Variants in RNF216 observed in about 807,000 individuals in gnomAD.
The protein encoded by RNF216 is E3 ubiquitin-protein ligase RNF216.
In RNF216, 72 loss-of-function variants were observed where a neutral mutation model predicts 110.8. The ratio of observed to expected loss-of-function variants is 0.65; its 90% CI spans 0.54 to 0.79. RNF216 has a LOEUF of 0.79. Ranked by LOEUF, RNF216 falls within the 30% of genes least tolerant of loss-of-function variation. RNF216 has a pLI of 0.00. For missense variants in RNF216, 1,342 were observed against 1,141.2 expected (o/e 1.18, Z -2.54); for synonymous variants, 495 against 407.5 (o/e 1.21, Z -2.59).
At chr7:5,635,263 A>G (rs968499425) in intron 15 of RNF216, among the ~76,000 whole-genome samples, 1 of 151,776 alleles carries the variant, frequency 6.6e-6, no homozygotes, top group Non-Finnish European at 1.5e-5. Context: ...TGACAGATCA[A>G]TGATCACACC....
At chr7:5,670,209 C>T (rs1222983266) in intron 13 of RNF216, among the ~76,000 whole-genome samples, 1 of 152,150 alleles carries the variant, frequency 6.6e-6, no homozygotes, top group Admixed American at 6.5e-5. Flanking sequence ...GCTGGAATTA[C>T]AGGCGTGAGC....
intron 13 of RNF216, among the ~76,000 whole-genome samples, chr7:5,672,822 C>T (rs776143046): frequency 6.6e-6 from 1 of 151,946 alleles, no homozygotes; most frequent in Admixed American, 6.6e-5. Context: ...CACTGGGAGG[C>T]GAGGAGCTGG....
chr7:5,721,394 T>C (rs1793416475), intron 8 of RNF216, among the ~76,000 whole-genome samples: 1 of 152,182 alleles, frequency 6.6e-6, no homozygotes, highest in Non-Finnish European at 1.5e-5. Flanking sequence ...CTGTTTATGC[T>C]CCAATTGGAA....
At chr7:5,698,167 C>T (rs190721383) in intron 13 of RNF216, among the ~76,000 whole-genome samples, 388 of 152,156 alleles carry the variant, frequency 2.6e-3, no homozygotes, top group Non-Finnish European at 4.3e-3. Flanking sequence ...TTTTAAAATC[C>T]TCGGTTTTCT....
intron 3 of RNF216, among the ~76,000 whole-genome samples, chr7:5,748,915 T>C (rs1234764331): frequency 1.3e-5 from 2 of 152,164 alleles, no homozygotes; most frequent in Non-Finnish European, 2.9e-5. Flanking sequence ...GGCTATAAGA[T>C]CTGCTTCTCT....
chr7:5,749,227 T>G (rs1204939386), intron 3 of RNF216, among the ~76,000 whole-genome samples: 1 of 151,208 alleles, frequency 6.6e-6, no homozygotes. Context: ...CTTGGCTCAC[T>G]GCAACCTCCA....
intron 1 of RNF216, among the ~76,000 whole-genome samples, chr7:5,763,281 C>G (rs191885847): frequency 1.4e-3 from 209 of 152,278 alleles, no homozygotes; most frequent in African/African-American, 5.0e-3. Context: ...TTTGTCAAAA[C>G]TCACTGAACT....
intron 15 of RNF216, among the ~76,000 whole-genome samples, chr7:5,637,854 CT>C (rs1347832589): frequency 5.3e-5 from 8 of 152,198 alleles, no homozygotes; most frequent in African/African-American, 1.9e-4. Flanking sequence ...TTACGCATTT[CT>C]TTTTCTTTAA....
chr7:5,735,754 CTT>C (rs1794359306), intron 5 of RNF216, among the ~76,000 whole-genome samples: 1 of 152,154 alleles, frequency 6.6e-6, no homozygotes, highest in African/African-American at 2.4e-5. Flanking sequence ...AGTGTACACT[CTT>C]AACGGTTTTG....
intron 13 of RNF216, among the ~76,000 whole-genome samples, chr7:5,671,060 C>G (rs1041666427): frequency 2.0e-5 from 3 of 152,178 alleles, no homozygotes. Context: ...ATACTTTTTT[C>G]TTTACAGAAA....
At chr7:5,663,268 C>T (rs1479804920) in intron 13 of RNF216, among the ~76,000 whole-genome samples, 1 of 152,048 alleles carries the variant, frequency 6.6e-6, no homozygotes, top group African/African-American at 2.4e-5. Flanking sequence ...GCATGGAGGG[C>T]TCAATTCATC....
chr7:5,635,937 T>C (rs1450130301), intron 15 of RNF216, among the ~76,000 whole-genome samples: 1 of 152,218 alleles, frequency 6.6e-6, no homozygotes, highest in Non-Finnish European at 1.5e-5. Context: ...GGTTTCAAAC[T>C]CTTACATTCA....
chr7:5,772,173 C>G (rs182755613), intron 1 of RNF216, among the ~76,000 whole-genome samples: 1 of 152,100 alleles, frequency 6.6e-6, no homozygotes, highest in Non-Finnish European at 1.5e-5. Flanking sequence ...GTGGAGGTTG[C>G]GGTGAGCCGA....
intron 14 of RNF216, among the ~76,000 whole-genome samples, chr7:5,645,276 T>C (rs546328904): frequency 2.0e-5 from 3 of 152,342 alleles, no homozygotes; most frequent in African/African-American, 4.8e-5. Context: ...CTCTTGTTCT[T>C]CATCAGATTT....
At chr7:5,769,281 C>A (rs1280936816) in intron 1 of RNF216, among the ~76,000 whole-genome samples, 1 of 151,840 alleles carries the variant, frequency 6.6e-6, no homozygotes, top group Non-Finnish European at 1.5e-5. Flanking sequence ...CCACGCCCAG[C>A]TAATTTTTGT....
At chr7:5,738,800 G>C (rs1469054632) in intron 5 of RNF216, among the ~76,000 whole-genome samples, 1 of 151,120 alleles carries the variant, frequency 6.6e-6, no homozygotes, top group Non-Finnish European at 1.5e-5. Flanking sequence ...GGAAGAAAAT[G>C]TCTTAACATC....
intron 13 of RNF216, among the ~76,000 whole-genome samples, chr7:5,667,602 T>C (rs1216262925): frequency 2.0e-5 from 3 of 152,196 alleles, no homozygotes; most frequent in African/African-American, 7.2e-5. Flanking sequence ...CTGTTATCAC[T>C]TGGGCAGAAA....
chr7:5,734,259 A>T (rs1287864310), intron 5 of RNF216, among the ~76,000 whole-genome samples: 1 of 152,236 alleles, frequency 6.6e-6, no homozygotes, highest in Non-Finnish European at 1.5e-5. Context: ...TAAATGGAAT[A>T]CCATTTAGCA....
intron 1 of RNF216, among the ~76,000 whole-genome samples, chr7:5,771,166 A>G (rs1347166503): frequency 6.6e-6 from 1 of 152,154 alleles, no homozygotes. Flanking sequence ...AGTGGAAAAC[A>G]TGACCTTTCT....
Sources: allele counts gnomAD v4.1 joint callset (sites outside exome capture counted in the v4.1 genomes callset), GRCh38; gene constraint gnomAD v4.1.1; transcripts MANE v1.5; gene names NCBI Gene and HGNC (gene_info 2026-07-23, HGNC 2026-07-21).